The following CMSS1 variants were observed in gnomAD, a reference collection of about 807,000 sequenced individuals.
CMSS1 encodes cms1 ribosomal small subunit homolog, also known as protein CMSS1.
A neutral mutation model predicts 43.5 loss-of-function variants in CMSS1; 33 were observed. That is an observed-to-expected ratio of 0.76 (90% CI 0.57 to 1.01). The LOEUF (loss-of-function observed/expected upper bound fraction) is 1.01, where lower values mean the gene tolerates loss of function less well. CMSS1 is among the 50% of genes least tolerant of loss of function. The pLI, the probability that CMSS1 is intolerant of heterozygous loss-of-function variation, is 0.00. For missense variants in CMSS1, 313 were observed against 326.4 expected (o/e 0.96, Z 0.32); for synonymous variants, 115 against 117.2 (o/e 0.98, Z 0.12).
chr3:100,093,441 T>C (rs1000075081), intron 1 of CMSS1, among the ~76,000 whole-genome samples: 3 of 152,124 alleles, frequency 2.0e-5, no homozygotes, highest in South Asian at 2.1e-4. Context: ...ACAAAAAATA[T>C]ATACTTTTTT....
intron 1 of CMSS1, among the ~76,000 whole-genome samples, chr3:99,883,531 G>A (rs896064812): frequency 6.6e-6 from 1 of 151,986 alleles, no homozygotes; most frequent in Admixed American, 6.6e-5. Flanking sequence ...TTGGCTGGGG[G>A]GTGTTGTATA....
At chr3:99,983,392 A>ATGTATATATG (rs1314015302) in intron 1 of CMSS1, among the ~76,000 whole-genome samples, 1 of 22,656 alleles carries the variant, frequency 4.4e-5, no homozygotes, top group Non-Finnish European at 1.3e-4. Flanking sequence ...ATAAATAAAT[A>ATGTATATATG]TATATATATA....
At chr3:100,022,400 G>A (rs191723323) in intron 1 of CMSS1, among the ~76,000 whole-genome samples, 11 of 152,238 alleles carry the variant, frequency 7.2e-5, no homozygotes, top group East Asian at 3.9e-4. Context: ...TGCTTGTTAC[G>A]GCACAACTCT....
intron 1 of CMSS1, among the ~76,000 whole-genome samples, chr3:99,923,913 C>A (rs1395257707): frequency 6.6e-6 from 1 of 152,194 alleles, no homozygotes; most frequent in Admixed American, 6.5e-5. Context: ...CTTATTTCAC[C>A]CCTTGCCATG....
intron 1 of CMSS1, chr3:99,848,322 T>G: frequency 6.2e-7 from 1 of 1,614,034 alleles, no homozygotes; most frequent in South Asian, 1.1e-5. Context: ...GAGGAAGAGG[T>G]GTGGCTGTTG....
chr3:100,176,746 A>G (rs1321369754), intron 9 of CMSS1, among the ~76,000 whole-genome samples: 2 of 151,984 alleles, frequency 1.3e-5, no homozygotes, highest in East Asian at 3.9e-4. Context: ...ACTCGTCTTT[A>G]TCTTTCATTC....
intron 1 of CMSS1, chr3:99,848,626 C>G: frequency 6.2e-7 from 1 of 1,614,164 alleles, no homozygotes; most frequent in South Asian, 1.1e-5. Context: ...TGGGGAGCGT[C>G]CCTGCTCAGG....
chr3:100,050,855 G>A (rs1299470128), intron 1 of CMSS1, among the ~76,000 whole-genome samples: 1 of 152,098 alleles, frequency 6.6e-6, no homozygotes, highest in Admixed American at 6.6e-5. Context: ...TAAATTAGCG[G>A]CTTTAACTTT....
intron 1 of CMSS1, among the ~76,000 whole-genome samples, chr3:99,879,543 T>C (rs1319748616): frequency 6.6e-6 from 1 of 152,238 alleles, no homozygotes; most frequent in Non-Finnish European, 1.5e-5. Flanking sequence ...CTTTGTTTCT[T>C]CTTTTGACTG....
chr3:100,056,421 C>T (rs972699162), intron 1 of CMSS1, among the ~76,000 whole-genome samples: 1 of 152,168 alleles, frequency 6.6e-6, no homozygotes, highest in African/African-American at 2.4e-5. Flanking sequence ...AAAGTGATTT[C>T]ATATTAAAAT....
chr3:99,929,425 C>T (rs2107660927), intron 1 of CMSS1, among the ~76,000 whole-genome samples: 1 of 152,276 alleles, frequency 6.6e-6, no homozygotes, highest in Middle Eastern at 3.4e-3. Flanking sequence ...ATTTCTATGA[C>T]ATAATACCTC....
At chr3:99,868,862 A>C (rs1287496931) in intron 1 of CMSS1, among the ~76,000 whole-genome samples, 1 of 152,150 alleles carries the variant, frequency 6.6e-6, no homozygotes, top group African/African-American at 2.4e-5. Context: ...CAGCCCTTAC[A>C]GCTTTATTAC....
intron 1 of CMSS1, among the ~76,000 whole-genome samples, chr3:100,091,284 CAAAAA>C (rs570908389): frequency 1.7e-5 from 1 of 59,098 alleles, no homozygotes. Flanking sequence ...GACTCCGTCT[CAAAAA>C]AAAAAAAAAA....
intron 1 of CMSS1, among the ~76,000 whole-genome samples, chr3:100,074,644 A>C (rs1185303928): frequency 1.1e-5 from 1 of 93,542 alleles, no homozygotes; most frequent in Non-Finnish European, 2.3e-5. Flanking sequence ...TGTTTCTTTT[A>C]ATCTTATTTT....
At chr3:100,053,556 G>A (rs1464878216) in intron 1 of CMSS1, among the ~76,000 whole-genome samples, 1 of 152,116 alleles carries the variant, frequency 6.6e-6, no homozygotes, top group Admixed American at 6.5e-5. Context: ...ATCTTAACTT[G>A]ATTACGTCAG....
At position 100,172,198 on chromosome 3, in the gene CMSS1, A is replaced by T. The variant is rs2067115899; in HGVS notation, c.580-118A>T. The T allele has an allele frequency of 5.7e-6, 5 of 882,210 alleles. No individual in the cohort carries two copies. In the South Asian group the frequency reaches 8.3e-5, roughly 15 times the overall value. The allele number at this position is 882,210 out of a possible 1,614,324, so 54.6% of individuals were successfully genotyped here. On this transcript the variant is annotated intron_variant, in intron 7 of 9. Transcript: ENST00000421999. ...TCTGCCCTGGAAGTCGACCCTACAC[A>T]AGGGTAGCTCCATTTGTATTTCACT...
intron 1 of CMSS1, among the ~76,000 whole-genome samples, chr3:100,047,779 G>A (rs746070913): frequency 2.0e-5 from 3 of 152,064 alleles, no homozygotes; most frequent in Non-Finnish European, 2.9e-5. Context: ...AACTGACAGG[G>A]CATTCAGTGG....
intron 1 of CMSS1, among the ~76,000 whole-genome samples, chr3:99,828,255 C>T (rs752299582): frequency 1.3e-5 from 2 of 152,062 alleles, no homozygotes; most frequent in African/African-American, 4.8e-5. Context: ...CTAACCCTGT[C>T]ATACCATTGC....
At chr3:99,990,728 G>A (rs1463714096) in intron 1 of CMSS1, among the ~76,000 whole-genome samples, 5 of 151,768 alleles carry the variant, frequency 3.3e-5, no homozygotes, top group Non-Finnish European at 1.5e-5. Flanking sequence ...CCTATCAAGT[G>A]CCCACGGGAG....
Sources: allele counts gnomAD v4.1 joint callset (sites outside exome capture counted in the v4.1 genomes callset), GRCh38; gene constraint gnomAD v4.1.1; transcripts MANE v1.5; gene names NCBI Gene and HGNC (gene_info 2026-07-23, HGNC 2026-07-21).